Variants in RELCH observed in about 807,000 individuals in gnomAD.
RELCH encodes the protein RAB11-binding protein RELCH.
In RELCH, 41 loss-of-function variants were observed where a neutral mutation model predicts 150.3. That is an observed-to-expected ratio of 0.27 (90% CI 0.21 to 0.35). The LOEUF (loss-of-function observed/expected upper bound fraction) is 0.35, where lower values mean the gene tolerates loss of function less well. Ranked by LOEUF, RELCH falls within the 10% of genes least tolerant of loss-of-function variation. The pLI, the probability that RELCH is intolerant of heterozygous loss-of-function variation, is 1.00. For missense variants in RELCH, 1,092 were observed against 1,467.8 expected (o/e 0.74, Z 4.18); for synonymous variants, 478 against 531.8 (o/e 0.90, Z 1.39).
At chr18:62,265,817 CT>C (rs1193808277) in intron 18 of RELCH, among the ~76,000 whole-genome samples, 1 of 151,870 alleles carries the variant, frequency 6.6e-6, no homozygotes, top group African/African-American at 2.4e-5. Flanking sequence ...GTACATGAAC[CT>C]TTTAACATTG....
At chr18:62,221,549 C>G (rs541665359) in intron 5 of RELCH, 52 bp downstream of exon 5, 1 of 716,432 alleles carries the variant, frequency 1.4e-6, no homozygotes, top group South Asian at 2.2e-5. Context: ...TTATAATTCA[C>G]TTTTTCTTTT....
At chr18:62,283,165 T>G (rs1049622859) in intron 25 of RELCH, among the ~76,000 whole-genome samples, 33 of 152,210 alleles carry the variant, frequency 2.2e-4, no homozygotes, top group African/African-American at 8.0e-4. Context: ...CATGTTCTTA[T>G]GAAAAACAGA....
At position 62,219,878 on chromosome 18, in the gene RELCH, T is replaced by A. The variant is rs2040739837; in HGVS notation, c.617-1159T>A. On this transcript the variant is annotated intron_variant, in intron 2 of 28. Transcript: ENST00000644646. Reference sequence around the variant, plus strand: ...TTTTATAGCTGTGGCTCTGATAACATCTCATTTGGCATCTTTTTTATGTGT... The same window carrying A: ...TTTTATAGCTGTGGCTCTGATAACAACTCATTTGGCATCTTTTTTATGTGT... 2.0e-5 allele frequency among the ~76,000 whole-genome samples: 3 copies of A among 152,062 alleles called. No homozygotes were observed. The South Asian group carries it at 6.2e-4, about 31-fold the overall frequency.
At chr18:62,261,489 C>A in intron 15 of RELCH, 22 bp from the exon 16 acceptor site, 8 of 1,606,298 alleles carry the variant, frequency 5.0e-6, no homozygotes, top group Non-Finnish European at 6.8e-6. Context: ...CTAAAATTAG[C>A]TTCCACCTCC....
intron 13 of RELCH, among the ~76,000 whole-genome samples, chr18:62,256,570 T>C (rs1022310364): frequency 6.6e-6 from 1 of 152,054 alleles, no homozygotes; most frequent in Non-Finnish European, 1.5e-5. Flanking sequence ...CTAAGCAGTA[T>C]TAATAATAGA....
rs2045964043 is a variant in RELCH, at chr18:62,309,969, T to C, written c.*4435T>C. On this transcript the variant is annotated 3_prime_UTR_variant, in exon 29 of 29. Transcript: ENST00000644646. ...ACAAACTGCTTCCCTCCTGGAAAAGTAACCCTTTCTTAATTGTTGGCATTT... is the reference window on the plus strand; with the variant it reads ...ACAAACTGCTTCCCTCCTGGAAAAGCAACCCTTTCTTAATTGTTGGCATTT... 6.6e-6 allele frequency: 1 copy of C among 152,234 alleles called. No homozygotes were observed. The highest frequency in any genetic ancestry group is 1.5e-5 in the Non-Finnish European group (1 of 68,036). The allele number at this position is 152,234 out of a possible 1,614,324, so 9.4% of individuals were successfully genotyped here. A position where few individuals can be genotyped will look rare whatever the true frequency, so the allele number is the denominator to read the frequency against.
chr18:62,222,752 C>T (rs2040960462), intron 5 of RELCH, among the ~76,000 whole-genome samples: 1 of 151,968 alleles, frequency 6.6e-6, no homozygotes, highest in South Asian at 2.1e-4. Flanking sequence ...AATGCTTCAT[C>T]CTTCAACAGT....
chr18:62,261,483 A>T, intron 15 of RELCH, 28 bp from the exon 16 acceptor site: 2 of 1,605,122 alleles, frequency 1.2e-6, no homozygotes, highest in Non-Finnish European at 1.7e-6. Flanking sequence ...AAAAGACTAA[A>T]ATTAGCTTCC....
At chr18:62,274,156 A>G in intron 21 of RELCH, 70 bp downstream of exon 21, 1 of 960,662 alleles carries the variant, frequency 1.0e-6, no homozygotes, top group Non-Finnish European at 1.6e-6. Flanking sequence ...TAGAGTACAT[A>G]TTTTAAGTCT....
intron 14 of RELCH, 84 bp from the exon 15 acceptor site, chr18:62,258,428 T>A: frequency 8.3e-7 from 1 of 1,200,972 alleles, no homozygotes; most frequent in East Asian, 2.6e-5. Flanking sequence ...CTTAATTTAT[T>A]GAAATTTTTA....
intron 11 of RELCH, among the ~76,000 whole-genome samples, chr18:62,247,799 G>T (rs1026449525): frequency 6.6e-6 from 1 of 152,052 alleles, no homozygotes; most frequent in Non-Finnish European, 1.5e-5. Flanking sequence ...TGCCTGCCTG[G>T]ACTTTGCCAG....
intron 3 of RELCH, 51 bp from the exon 4 acceptor site, chr18:62,221,163 CTGAGA>C: frequency 6.3e-7 from 1 of 1,590,542 alleles, no homozygotes; most frequent in Non-Finnish European, 8.6e-7. Context: ...GTAGAAGTAG[CTGAGA>C]TATTTTAAAA....
intron 5 of RELCH, among the ~76,000 whole-genome samples, chr18:62,222,011 A>C (rs879705822): frequency 5.3e-5 from 8 of 151,996 alleles, no homozygotes; most frequent in Non-Finnish European, 1.2e-4. Flanking sequence ...TCTTTAAGCA[A>C]AAAAGATGTC....
chr18:62,196,558 G>A (rs1599775475), intron 1 of RELCH, among the ~76,000 whole-genome samples: 1 of 152,158 alleles, frequency 6.6e-6, no homozygotes, highest in South Asian at 2.1e-4. Flanking sequence ...AATTTATTAA[G>A]TTCACTGCTT....
At chr18:62,282,519 C>A in intron 25 of RELCH, 75 bp downstream of exon 25, 1 of 1,458,260 alleles carries the variant, frequency 6.9e-7, no homozygotes, top group Non-Finnish European at 9.4e-7. Context: ...GAGGCCTTGT[C>A]ATGTATTAAA....
chr18:62,239,468 G>T (rs1015216549), intron 10 of RELCH, among the ~76,000 whole-genome samples: 2 of 151,912 alleles, frequency 1.3e-5, no homozygotes, highest in East Asian at 1.9e-4. Context: ...ACCAACAAAG[G>T]CTCACAGATA....
At chr18:62,286,175 T>C (rs923703045) in intron 25 of RELCH, among the ~76,000 whole-genome samples, 1 of 152,132 alleles carries the variant, frequency 6.6e-6, no homozygotes, top group Non-Finnish European at 1.5e-5. Flanking sequence ...AGTGAAAGAA[T>C]GATAAGTTTC....
At chr18:62,230,018 A>G (rs2041470404) in intron 8 of RELCH, among the ~76,000 whole-genome samples, 1 of 152,134 alleles carries the variant, frequency 6.6e-6, no homozygotes, top group Admixed American at 6.6e-5. Flanking sequence ...ACTGGGAGCA[A>G]GGAAACTATA....
chr18:62,272,329 C>T (rs1023168008), intron 20 of RELCH, among the ~76,000 whole-genome samples: 2 of 152,034 alleles, frequency 1.3e-5, no homozygotes, highest in Non-Finnish European at 2.9e-5. Context: ...CTTTTTTACC[C>T]TCTTGAAGTT....
Sources: gnomAD v4.1 joint callset for allele counts (sites outside exome capture counted in the v4.1 genomes callset) on GRCh38, gnomAD v4.1.1 for gene constraint, MANE v1.5 for transcripts, NCBI Gene and HGNC (gene_info 2026-07-23, HGNC 2026-07-21) for gene names.